The following LRRC37A2 variants were observed in gnomAD, a reference collection of about 807,000 sequenced individuals.
LRRC37A2 encodes the protein leucine rich repeat containing 37 member A2.
In LRRC37A2, 9 loss-of-function variants were observed where a neutral mutation model predicts 68.8. The observed-to-expected ratio is 0.13, with a 90% CI of 0.08 to 0.23. The LOEUF (loss-of-function observed/expected upper bound fraction) is 0.23. LRRC37A2 is among the 10% of genes least tolerant of loss of function. LRRC37A2 has a pLI of 1.00. For missense variants in LRRC37A2, 168 were observed against 950.4 expected (o/e 0.18, Z 10.82); for synonymous variants, 63 against 367.6 (o/e 0.17, Z 9.48).
At chr17:46,842,146 C>T in the LRRC37A2 span, among the ~76,000 whole-genome samples, 7 of 152,234 alleles carry the variant, frequency 4.6e-5, no homozygotes, top group African/African-American at 1.7e-4. Flanking sequence ...GGATTAAAGG[C>T]TTGGGAAGTT....
the LRRC37A2 span, among the ~76,000 whole-genome samples, chr17:46,803,572 C>T: frequency 6.6e-6 from 1 of 152,218 alleles, no homozygotes; most frequent in African/African-American, 2.4e-5. Flanking sequence ...ATCCTCCTAT[C>T]TTGGCAAAAA....
At chr17:46,890,055 G>A in the LRRC37A2 span, among the ~76,000 whole-genome samples, 2 of 152,086 alleles carry the variant, frequency 1.3e-5, no homozygotes, top group Non-Finnish European at 2.9e-5. Context: ...ATTTCAGCCC[G>A]GCCTGCATCT....
the LRRC37A2 span, among the ~76,000 whole-genome samples, chr17:46,811,107 C>T: frequency 2.0e-5 from 3 of 152,152 alleles, no homozygotes; most frequent in African/African-American, 7.2e-5. Flanking sequence ...CCCGGCTGTA[C>T]AGGCCAGGCT....
At chr17:47,019,582 T>C in the LRRC37A2 span, 4 of 1,466,676 alleles carry the variant, frequency 2.7e-6, no homozygotes, top group African/African-American at 5.6e-5. Flanking sequence ...CCTACTGTGC[T>C]AGAACCTAGT....
the LRRC37A2 span, chr17:46,768,940 G>C: frequency 1.5e-6 from 2 of 1,313,474 alleles, no homozygotes; most frequent in Non-Finnish European, 2.0e-6. The surrounding 1 kb of genome is among the most constrained non-coding windows in gnomAD (Gnocchi z 5.0). Flanking sequence ...GATGGGGACT[G>C]AGGCAAGACC....
At chr17:46,525,634 T>A (rs1213233042) in intron 6 of LRRC37A2, among the ~76,000 whole-genome samples, 1 of 122,952 alleles carries the variant, frequency 8.1e-6, no homozygotes, top group African/African-American at 2.8e-5. Flanking sequence ...ATCATCATCA[T>A]CATCATCATC....
the LRRC37A2 span, among the ~76,000 whole-genome samples, chr17:46,997,362 CA>C: frequency 2.0e-5 from 3 of 148,942 alleles, no homozygotes; most frequent in Non-Finnish European, 3.0e-5. Context: ...CCCACCTCAC[CA>C]AAAAAAAAGA....
the LRRC37A2 span, chr17:47,021,692 T>C: frequency 6.9e-6 from 5 of 722,956 alleles, no homozygotes; most frequent in Non-Finnish European, 1.1e-5. Flanking sequence ...AATTTCTTGA[T>C]GAATTGTGCA....
chr17:46,978,837 G>T, the LRRC37A2 span: 8 of 1,604,012 alleles, frequency 5.0e-6, no homozygotes, highest in Non-Finnish European at 6.8e-6. Context: ...TGCGCTCGTC[G>T]GGCGCCAGCC....
the LRRC37A2 span, among the ~76,000 whole-genome samples, chr17:47,000,053 TAAAA>T: frequency 0.01 from 307 of 30,064 alleles, 30 homozygotes; most frequent in Admixed American, 0.018. Flanking sequence ...TAAAATAAAA[TAAAA>T]TAAAATTAAA....
At chr17:46,966,045 T>C in the LRRC37A2 span, among the ~76,000 whole-genome samples, 2 of 152,216 alleles carry the variant, frequency 1.3e-5, no homozygotes, top group Non-Finnish European at 2.9e-5. Flanking sequence ...TGTCTATAAA[T>C]AACCATCTAC....
the LRRC37A2 span, chr17:46,941,017 G>A: frequency 2.7e-6 from 3 of 1,110,082 alleles, no homozygotes; most frequent in African/African-American, 3.2e-5. Flanking sequence ...TGGAGGCGGG[G>A]GTGAATTCTT....
chr17:46,936,403 A>G, the LRRC37A2 span: 88 of 985,368 alleles, frequency 8.9e-5, no homozygotes, highest in African/African-American at 1.4e-3. Flanking sequence ...CTTGCCACCC[A>G]CACTGATACC....
chr17:46,875,598 T>C, the LRRC37A2 span, among the ~76,000 whole-genome samples: 2 of 152,130 alleles, frequency 1.3e-5, no homozygotes, highest in African/African-American at 4.8e-5. Context: ...GTGTCATTGG[T>C]GGAAGCAGTG....
chr17:46,897,123 G>A, the LRRC37A2 span, among the ~76,000 whole-genome samples: 5 of 152,170 alleles, frequency 3.3e-5, no homozygotes, highest in African/African-American at 1.2e-4. Context: ...TACCAAGAAC[G>A]CTTGAGCAGC....
At chr17:46,980,417 GTCT>G in the LRRC37A2 span, among the ~76,000 whole-genome samples, 5 of 136,030 alleles carry the variant, frequency 3.7e-5, no homozygotes, top group Non-Finnish European at 8.0e-5. Flanking sequence ...CTTTCTTTCT[GTCT>G]TCTTTTTTCT....
chr17:46,876,457 C>G, the LRRC37A2 span: 5 of 1,613,678 alleles, frequency 3.1e-6, no homozygotes, highest in Non-Finnish European at 4.2e-6. Flanking sequence ...GCAGCCTCAC[C>G]AAAGGCCTGG....
chr17:46,994,522 T>G, the LRRC37A2 span, among the ~76,000 whole-genome samples: 2 of 152,098 alleles, frequency 1.3e-5, no homozygotes, highest in Non-Finnish European at 2.9e-5. Context: ...GCTAGCTACT[T>G]GGGTGTGTTT....
At chr17:46,707,224 T>C in the LRRC37A2 span, among the ~76,000 whole-genome samples, 2 of 152,220 alleles carry the variant, frequency 1.3e-5, no homozygotes, top group Non-Finnish European at 2.9e-5. Context: ...ATTTTAGTTA[T>C]TAGAGAACTT....
Sources: allele counts gnomAD v4.1 joint callset (sites outside exome capture counted in the v4.1 genomes callset), GRCh38; gene constraint gnomAD v4.1.1; non-coding constraint Gnocchi (gnomAD v3.1); transcripts MANE v1.5; gene names NCBI Gene and HGNC (gene_info 2026-07-23, HGNC 2026-07-21).